GPR158: variants seen among roughly 807,000 people sequenced by gnomAD.
GPR158 encodes the protein G protein-coupled receptor 158.
In GPR158, 30 loss-of-function variants were observed where a neutral mutation model predicts 78.2. That is an observed-to-expected ratio of 0.38 (90% CI 0.29 to 0.52). The LOEUF (loss-of-function observed/expected upper bound fraction) is 0.52, where lower values mean the gene tolerates loss of function less well. Among genes scored for constraint, GPR158 ranks in the 20% least tolerant of loss-of-function variants. The probability of loss-of-function intolerance (pLI) is 0.83; values close to 1 mark genes in which losing one functional copy is unlikely to be tolerated. For missense variants in GPR158, 1,463 were observed against 1,523.5 expected (o/e 0.96, Z 0.66); for synonymous variants, 581 against 591.1 (o/e 0.98, Z 0.25).
At chr10:25,331,692 TCTCACCCCA>T (rs796796484) in intron 2 of GPR158, among the ~76,000 whole-genome samples, 5 of 152,314 alleles carry the variant, frequency 3.3e-5, no homozygotes, top group African/African-American at 1.2e-4. Context: ...ATCTGGCCTC[TCTCACCCCA>T]GTCACTGCAC....
At chr10:25,414,452 C>T (rs773522756) in intron 4 of GPR158, among the ~76,000 whole-genome samples, 11 of 152,084 alleles carry the variant, frequency 7.2e-5, no homozygotes, top group African/African-American at 1.9e-4. Flanking sequence ...GGTCACCTTT[C>T]GAAGAATCAG....
At chr10:25,531,216 G>A (rs1836418419) in intron 5 of GPR158, among the ~76,000 whole-genome samples, 2 of 152,088 alleles carry the variant, frequency 1.3e-5, no homozygotes, top group Non-Finnish European at 2.9e-5. Context: ...TGAAAATGTT[G>A]ACAATTTAGG....
chr10:25,586,988 T>TC (rs1837278446), intron 7 of GPR158, among the ~76,000 whole-genome samples: 1 of 152,170 alleles, frequency 6.6e-6, no homozygotes, highest in Non-Finnish European at 1.5e-5. Context: ...AGCTGGGAGA[T>TC]CAGTCTCAAT....
intron 3 of GPR158, among the ~76,000 whole-genome samples, chr10:25,399,246 A>C (rs1834409533): frequency 6.6e-6 from 1 of 152,118 alleles, no homozygotes; most frequent in South Asian, 2.1e-4. Context: ...TGCTCTCATG[A>C]TTTAATTATC....
At chr10:25,424,748 T>C (rs1253824059) in intron 4 of GPR158, among the ~76,000 whole-genome samples, 1 of 152,168 alleles carries the variant, frequency 6.6e-6, no homozygotes, top group Non-Finnish European at 1.5e-5. Context: ...TCTATATCTC[T>C]GTTTTGGTAC....
chr10:25,293,754 T>G (rs2130767244), intron 2 of GPR158, among the ~76,000 whole-genome samples: 2 of 152,174 alleles, frequency 1.3e-5, no homozygotes, highest in East Asian at 3.9e-4. Flanking sequence ...AATTTTTTTT[T>G]TTTTTTTCTG....
intron 3 of GPR158, among the ~76,000 whole-genome samples, chr10:25,406,263 G>A (rs72780116): frequency 0.012 from 1,840 of 152,268 alleles, 19 homozygotes; most frequent in Non-Finnish European, 0.017. Context: ...AGGATTGGTA[G>A]TTGCTGCATA....
At chr10:25,534,310 T>C (rs1462635253) in intron 5 of GPR158, among the ~76,000 whole-genome samples, 1 of 152,122 alleles carries the variant, frequency 6.6e-6, no homozygotes, top group Non-Finnish European at 1.5e-5. Flanking sequence ...CATTCTTCCT[T>C]AGTTACAATT....
chr10:25,511,561 C>A (rs1306907559), intron 5 of GPR158, among the ~76,000 whole-genome samples: 1 of 152,066 alleles, frequency 6.6e-6, no homozygotes, highest in African/African-American at 2.4e-5. Context: ...CTCTATTTAT[C>A]TTTGTTTTTG....
At chr10:25,306,801 A>G (rs1854681817) in intron 2 of GPR158, among the ~76,000 whole-genome samples, 1 of 152,110 alleles carries the variant, frequency 6.6e-6, no homozygotes, top group African/African-American at 2.4e-5. Context: ...CCTTTTAAAA[A>G]TATTTATTTC....
chr10:25,510,746 G>A (rs574103733), intron 5 of GPR158, among the ~76,000 whole-genome samples: 1 of 152,120 alleles, frequency 6.6e-6, no homozygotes, highest in Non-Finnish European at 1.5e-5. Context: ...TCATTCTTAC[G>A]CCTTTGCATC....
intron 2 of GPR158, among the ~76,000 whole-genome samples, chr10:25,337,620 A>T (rs1451435121): frequency 6.6e-6 from 1 of 152,038 alleles, no homozygotes; most frequent in Non-Finnish European, 1.5e-5. Flanking sequence ...CTTTGATTGT[A>T]TACATATTTA....
chr10:25,501,256 G>A (rs548688461), intron 5 of GPR158, among the ~76,000 whole-genome samples: 5 of 152,214 alleles, frequency 3.3e-5, no homozygotes, highest in East Asian at 1.9e-4. Flanking sequence ...GCTGCACTGC[G>A]CAGTCTCACT....
At chr10:25,349,497 C>T (rs1773652) in intron 2 of GPR158, among the ~76,000 whole-genome samples, 118,347 of 145,866 alleles carry the variant, frequency 0.81, 50,321 homozygotes, top group Non-Finnish European at 0.88. Context: ...CAGATTTCCC[C>T]CTTGCTGTTC....
chr10:25,188,217 A>G (rs918424094), intron 1 of GPR158, among the ~76,000 whole-genome samples: 2 of 152,138 alleles, frequency 1.3e-5, no homozygotes, highest in African/African-American at 2.4e-5. Context: ...CCCCAGGTAA[A>G]TTATAAATTC....
intron 4 of GPR158, among the ~76,000 whole-genome samples, chr10:25,423,073 G>C (rs1200223744): frequency 2.0e-5 from 3 of 150,138 alleles, no homozygotes; most frequent in Non-Finnish European, 4.4e-5. Flanking sequence ...GTATGTCTGT[G>C]TGTATATATA....
intron 4 of GPR158, among the ~76,000 whole-genome samples, chr10:25,426,449 TTTTGA>T (rs1213502253): frequency 6.6e-6 from 1 of 152,174 alleles, no homozygotes; most frequent in East Asian, 1.9e-4. Flanking sequence ...CATTTCTAGC[TTTTGA>T]TTTGAAGTAA....
At chr10:25,412,108 C>A in intron 3 of GPR158, 142 bp from the exon 4 acceptor site, 1 of 642,656 alleles carries the variant, frequency 1.6e-6, no homozygotes, top group Non-Finnish European at 2.8e-6. Context: ...AAAGTAACTC[C>A]TTCCCCTAGC....
intron 2 of GPR158, among the ~76,000 whole-genome samples, chr10:25,231,809 ATAT>A (rs1287044968): frequency 6.6e-6 from 1 of 152,224 alleles, no homozygotes; most frequent in Non-Finnish European, 1.5e-5. Context: ...TTATGATAAT[ATAT>A]TATTCTAAAT....
Sources: allele counts gnomAD v4.1 joint callset (sites outside exome capture counted in the v4.1 genomes callset), GRCh38; gene constraint gnomAD v4.1.1; transcripts MANE v1.5; gene names NCBI Gene and HGNC (gene_info 2026-07-23, HGNC 2026-07-21).